Variants in USF3 observed in about 807,000 individuals in gnomAD.
The protein encoded by USF3 is basic helix-loop-helix domain-containing protein USF3.
USF3 carries 29 observed loss-of-function variants against 157.5 expected under a neutral mutation model. The ratio of observed to expected loss-of-function variants is 0.18; its 90% CI spans 0.14 to 0.25. USF3 has a LOEUF of 0.25. Among genes scored for constraint, USF3 ranks in the 10% least tolerant of loss-of-function variants. The pLI is 1.00. For missense variants in USF3, 2,381 were observed against 2,667.6 expected, an observed-to-expected ratio of 0.89 and a Z score of 2.37; for synonymous variants, 893 against 941.4, an observed-to-expected ratio of 0.95 and a Z score of 0.94.
In USF3 at chr3:113,651,247, T is replaced by C. The variant is rs1319496702; in HGVS notation, c.*3697A>G. On this transcript the variant is annotated 3_prime_UTR_variant, in exon 7 of 7. Transcript: ENST00000316407. ...CACTCATGACTCAGACATAACTTCG[T>C]GTATTTCCAGAAGTTAAAAAATTTA... 1 of 152,254 alleles carries C rather than the reference T, an allele frequency of 6.6e-6. No individual in the cohort carries two copies. The highest frequency in any genetic ancestry group is 2.4e-5 in the African/African-American group (1 of 41,474). 9.4% of individuals were successfully genotyped at this position (152,254 alleles called of 1,614,324 possible). A position where few individuals can be genotyped will look rare whatever the true frequency, so the allele number is the denominator to read the frequency against.
chr3:113,690,431 C>A (rs1707658307), intron 1 of USF3, among the ~76,000 whole-genome samples: 1 of 152,266 alleles, frequency 6.6e-6, no homozygotes, highest in South Asian at 2.1e-4. Flanking sequence ...GTACTATTTC[C>A]CACAATCAAC....
At position 113,664,416 on chromosome 3, in the gene USF3, A is replaced by G; in HGVS notation, c.160-7T>C. The G allele has an allele frequency of 1.3e-6, 2 of 1,549,024 alleles. No individual in the cohort carries two copies. The highest frequency in any genetic ancestry group is 1.8e-6 in the Non-Finnish European group (2 of 1,139,596). On this transcript the variant is annotated splice_region_variant and splice_polypyrimidine_tract_variant and intron_variant, in intron 5 of 6. Coordinates refer to ENST00000316407, the MANE Select transcript of USF3 (RefSeq NM_001009899.4). ...CCAGGATCATATTCTTGCTCTGTCCAAGAAAATTTTAAAAGTTTACAAGTT... is the reference window on the plus strand; with the variant it reads ...CCAGGATCATATTCTTGCTCTGTCCGAGAAAATTTTAAAAGTTTACAAGTT...
At chr3:113,677,252 G>A (rs1333532000) in intron 2 of USF3, 30 bp downstream of exon 2, 1 of 152,170 alleles carries the variant, frequency 6.6e-6, no homozygotes, top group African/African-American at 2.4e-5. Context: ...AATTAAATAA[G>A]TAAATGAATA....
chr3:113,679,351 T>G (rs772756342), intron 1 of USF3, among the ~76,000 whole-genome samples: 4 of 151,706 alleles, frequency 2.6e-5, no homozygotes, highest in Non-Finnish European at 5.9e-5. Context: ...TTTTGACGAA[T>G]GCACACAACT....
rs1707475221 is a variant in USF3, at chr3:113,683,253, TAATCTATAAA to T, written c.-134-5866_-134-5857del. Among the ~76,000 whole-genome samples, 2 of 149,352 alleles carry T rather than the reference TAATCTATAAA, an allele frequency of 1.3e-5. 1 individual carries two copies. The highest frequency in any genetic ancestry group is 4.3e-4 in the South Asian group (2 of 4,600). On this transcript the variant is annotated intron_variant, in intron 1 of 6. Transcript: ENST00000316407. ...GAAAACTGATAAAAACTCTAGTTTT[TAATCTATAAA>T]AACTATTATCTAGTTTTTAATCTAT...
chr3:113,659,571 G>A lies in USF3; in HGVS notation c.2111C>T (p.Ala704Val), dbSNP rs1443362239. ...GGCCAAAGCACCAAATGTATTCAGG[G>A]CAACATTGGTATTTGGATCTTCGCT... ...TTSEDPNTNVALNTFGALASL... is the reference protein window; with the variant it reads ...TTSEDPNTNVVLNTFGALASL... Residue 704 changes from alanine (A) to valine (V), a missense_variant, in exon 7 of 7, where the codon GCC becomes GTC. By Grantham distance (64) the Ala-to-Val change is moderately conservative (BLOSUM62 0). This residue lies in a region of USF3 where 1,435 missense variants were observed against 1,550.9 expected (regional missense o/e 0.93). Transcript: ENST00000316407. The A allele has an allele frequency of 2.5e-6, 4 of 1,613,962 alleles. No individual in the cohort carries two copies. Among genetic ancestry groups the A allele is most frequent in the African/African-American group, 1.3e-5 (1 of 74,924 alleles).
In USF3 at chr3:113,652,576, A is replaced by T. The variant is rs1278536370; in HGVS notation, c.*2368T>A. On this transcript the variant is annotated 3_prime_UTR_variant, in exon 7 of 7. Coordinates refer to ENST00000316407, the MANE Select transcript of USF3 (RefSeq NM_001009899.4). Reference sequence around the variant, plus strand: ...GGTAAGAACAGTTAAAGAGGCACAAATGACCCTTTTGCTGAGTCTTTAGAA... The same window carrying T: ...GGTAAGAACAGTTAAAGAGGCACAATTGACCCTTTTGCTGAGTCTTTAGAA... 1 of 151,700 alleles carries T rather than the reference A, an allele frequency of 6.6e-6. No individual in the cohort carries two copies. The highest frequency in any genetic ancestry group is 1.5e-5 in the Non-Finnish European group (1 of 68,006). 9.4% of individuals were successfully genotyped at this position (151,700 alleles called of 1,614,324 possible). A position where few individuals can be genotyped will look rare whatever the true frequency, so the allele number is the denominator to read the frequency against.
chr3:113,660,697 C>T lies in USF3; in HGVS notation c.985G>A (p.Gly329Ser), dbSNP rs201864951. 21 of 1,614,060 alleles carry T rather than the reference C, an allele frequency of 1.3e-5. No homozygotes were observed. The highest frequency in any genetic ancestry group is 1.7e-5 in the Admixed American group (1 of 59,998). The change falls in exon 7 of 7, where the codon GGT becomes AGT. Residue 329 changes from glycine to serine, a missense_variant. By Grantham distance (56) the Gly-to-Ser change is moderately conservative. Transcript: ENST00000316407. ...KSCLSIQDFRGDFQNTFVVSV... is the reference protein window; with the variant it reads ...KSCLSIQDFRSDFQNTFVVSV... ...ACAACAAAAGTGTTTTGAAAATCACCTCTGAAGTCCTGTATGCTCAGGCAG... is the reference window on the plus strand; with the variant it reads ...ACAACAAAAGTGTTTTGAAAATCACTTCTGAAGTCCTGTATGCTCAGGCAG...
rs957981931 is a variant in USF3 at position 113,653,755 on chromosome 3, C to T, written c.*1189G>A. On this transcript the variant is annotated 3_prime_UTR_variant, in exon 7 of 7. Transcript: ENST00000316407. ...ATATGTGTACACACACACACACATA[C>T]TTACACACACAGAGACATACAGAAA... The T allele has an allele frequency of 6.6e-6, 1 of 151,948 alleles. No individual in the cohort carries two copies. Among genetic ancestry groups the T allele is most frequent in the Non-Finnish European group, 1.5e-5 (1 of 67,996 alleles). The allele number at this position is 151,948 out of a possible 1,614,324, so 9.4% of individuals were successfully genotyped here. A position where few individuals can be genotyped will look rare whatever the true frequency, so the allele number is the denominator to read the frequency against.
chr3:113,672,955 T>A (rs1707192777), intron 4 of USF3, among the ~76,000 whole-genome samples: 1 of 152,232 alleles, frequency 6.6e-6, no homozygotes, highest in Non-Finnish European at 1.5e-5. Context: ...ATTACAAGGC[T>A]CTTTAGGATC....
rs779444062 is a variant in USF3 at position 113,659,601 on chromosome 3, G to A, written c.2081C>T (p.Thr694Ile). ...ATTGGTATTTGGATCTTCGCTGGTG[G>A]TGGGTTGAATAATTTGCATAGGGGT... is the stretch of plus-strand genomic sequence containing the variant. Reference protein sequence around the residue: ...NQTPMQIIQPTTSEDPNTNVA... With the variant: ...NQTPMQIIQPITSEDPNTNVA... Residue 694 changes from threonine to isoleucine, a missense_variant, in exon 7 of 7, where the codon ACC (threonine) becomes ATC (isoleucine). Physicochemically the swap from Thr to Ile is moderately conservative, Grantham distance 89 (BLOSUM62 -1). Coordinates refer to ENST00000316407, the MANE Select transcript of USF3 (RefSeq NM_001009899.4). 1.9e-5 allele frequency: 30 copies of A among 1,613,960 alleles called. 1 individual carries two copies. In the South Asian group the frequency reaches 3.2e-4, roughly 17 times the overall value.
intron 4 of USF3, among the ~76,000 whole-genome samples, chr3:113,670,801 C>T (rs1221048035): frequency 6.6e-6 from 1 of 152,132 alleles, no homozygotes; most frequent in Non-Finnish European, 1.5e-5. Flanking sequence ...GGCTGGAGTG[C>T]AGCAGTGCAA....
At chr3:113,668,243 G>A (rs1306796745) in intron 5 of USF3, among the ~76,000 whole-genome samples, 4 of 152,004 alleles carry the variant, frequency 2.6e-5, no homozygotes, top group African/African-American at 9.7e-5. Context: ...TTCAACCTCA[G>A]GGATACTTGG....
rs530711415 is a variant in USF3 at position 113,681,372 on chromosome 3, A to G, written c.-134-3975T>C. On this transcript the variant is annotated intron_variant, in intron 1 of 6. Transcript: ENST00000316407. ...TTTTGTATGCTGTGTTTCCATTTTC[A>G]TTTAAGAAATTTTTTAATTTCCTTC... 2.0e-4 allele frequency among the ~76,000 whole-genome samples: 30 copies of G among 152,094 alleles called. 5 individuals are homozygous for G. The highest frequency in any genetic ancestry group is 7.0e-4 in the African/African-American group (29 of 41,502).
intron 1 of USF3, among the ~76,000 whole-genome samples, chr3:113,689,010 A>G (rs577580810): frequency 1.5e-4 from 22 of 150,500 alleles, no homozygotes; most frequent in African/African-American, 4.9e-4. Flanking sequence ...AAGCCTGGGC[A>G]ACAGAGGGAG....
At chr3:113,672,147 CTTTTTTTTTTTT>C (rs1707170033) in intron 4 of USF3, among the ~76,000 whole-genome samples, 2 of 133,718 alleles carry the variant, frequency 1.5e-5, no homozygotes, top group Admixed American at 7.4e-5. Context: ...TTTTTTTTTT[CTTTTTTTTTTTT>C]GAGATGGAGC....
intron 4 of USF3, among the ~76,000 whole-genome samples, chr3:113,672,475 G>GATTAGCTCTTATGGTCAAAAAC (rs1456263949): frequency 6.6e-6 from 1 of 151,886 alleles, no homozygotes; most frequent in Non-Finnish European, 1.5e-5. Flanking sequence ...CAATCAAAAA[G>GATTAGCTCTTATGGTCAAAAAC]ATTAGCTCTT....
At chr3:113,696,144 G>A (rs1304937294) in intron 1 of USF3, among the ~76,000 whole-genome samples, 1 of 152,228 alleles carries the variant, frequency 6.6e-6, no homozygotes, top group African/African-American at 2.4e-5. Context: ...GGGGACGCAG[G>A]GCGGGCGGGA....
Position 113,659,028 on chromosome 3 carries a change from G to A in USF3, c.2654C>T (p.Ser885Leu), listed in dbSNP as rs1163762985. The change falls in exon 7 of 7, where the codon TCA (serine) becomes TTA (leucine). Residue 885 changes from serine to leucine, a missense_variant. Transcript: ENST00000316407. Reference protein sequence around the residue: ...LIPESVSKSKSAEKSSPPSQE... With the variant: ...LIPESVSKSKLAEKSSPPSQE... ...GGAGGGTGGGCTGGACTTTTCTGCT[G>A]ACTTAGATTTCGATACAGACTCAGG... 1 of 1,614,162 alleles carries A rather than the reference G, an allele frequency of 6.2e-7. No homozygotes were observed. Among genetic ancestry groups the A allele is most frequent in the Non-Finnish European group, 8.5e-7 (1 of 1,180,036 alleles).
Sources: gnomAD v4.1 joint callset for allele counts (sites outside exome capture counted in the v4.1 genomes callset) on GRCh38, gnomAD v4.1.1 for gene constraint, gnomAD v4.1.1 regional missense constraint, MANE v1.5 for transcripts, NCBI Gene and HGNC (gene_info 2026-07-23, HGNC 2026-07-21) for gene names.